Variants in LRMDA observed in about 807,000 individuals in gnomAD.
LRMDA encodes leucine-rich melanocyte differentiation-associated protein.
A neutral mutation model predicts 29.8 loss-of-function variants in LRMDA; 18 were observed. That is an observed-to-expected ratio of 0.60 (90% CI 0.42 to 0.90). The LOEUF is 0.90. Ranked by LOEUF, LRMDA falls within the 40% of genes least tolerant of loss-of-function variation. LRMDA has a pLI of 0.00. For missense variants in LRMDA, 273 were observed against 273.9 expected, an observed-to-expected ratio of 1.00 and a Z score of 0.02; for synonymous variants, 125 against 109.4, an observed-to-expected ratio of 1.14 and a Z score of -0.89.
intron 2 of LRMDA, among the ~76,000 whole-genome samples, chr10:75,560,038 A>G (rs977638436): frequency 4.6e-5 from 7 of 151,126 alleles, no homozygotes; most frequent in African/African-American, 1.7e-4. Flanking sequence ...TTCCATATGA[A>G]CTTTAAAGTA....
chr10:76,444,035 A>G (rs975129573), intron 6 of LRMDA, among the ~76,000 whole-genome samples: 3 of 152,142 alleles, frequency 2.0e-5, no homozygotes, highest in Admixed American at 1.3e-4. Context: ...TAACATGACT[A>G]CAGAATGGAT....
chr10:75,740,238 G>A (rs1295574099), intron 2 of LRMDA, among the ~76,000 whole-genome samples: 1 of 152,216 alleles, frequency 6.6e-6, no homozygotes, highest in African/African-American at 2.4e-5. Flanking sequence ...GAGGTGCGAT[G>A]TTCAGACAAA....
chr10:76,253,794 G>A (rs755735324), intron 5 of LRMDA, among the ~76,000 whole-genome samples: 1 of 151,802 alleles, frequency 6.6e-6, no homozygotes, highest in East Asian at 1.9e-4. Context: ...TTTTTTTGTT[G>A]TTGCTATTGT....
intron 6 of LRMDA, among the ~76,000 whole-genome samples, chr10:76,394,626 A>T (rs879867099): frequency 4.6e-5 from 7 of 152,132 alleles, no homozygotes; most frequent in African/African-American, 1.7e-4. Context: ...AGTTGATTCC[A>T]TGAAAATACT....
chr10:75,450,262 C>G (rs117707525), intron 2 of LRMDA: 1 of 152,098 alleles, frequency 6.6e-6, no homozygotes, highest in East Asian at 1.9e-4. Context: ...GTTCAGGTTT[C>G]GCGTAGAGTG....
At chr10:75,451,335 C>G (rs1021340491) in intron 2 of LRMDA, 1 of 152,178 alleles carries the variant, frequency 6.6e-6, no homozygotes, top group African/African-American at 2.4e-5. Flanking sequence ...TTTGCCCTTT[C>G]ATTTGCTGAA....
intron 2 of LRMDA, among the ~76,000 whole-genome samples, chr10:75,561,328 G>A (rs1434704255): frequency 2.7e-5 from 4 of 148,924 alleles, no homozygotes; most frequent in Non-Finnish European, 6.0e-5. Flanking sequence ...GCGTAGAGGT[G>A]TTTGTAGTAT....
chr10:75,993,926 A>T (rs974900944), intron 2 of LRMDA, among the ~76,000 whole-genome samples: 23 of 152,076 alleles, frequency 1.5e-4, no homozygotes, highest in Admixed American at 2.6e-4. Flanking sequence ...TTTTGATCAA[A>T]ATTAAATCCA....
At chr10:76,154,674 A>G (rs1224093109) in intron 5 of LRMDA, among the ~76,000 whole-genome samples, 2 of 152,170 alleles carry the variant, frequency 1.3e-5, no homozygotes, top group Non-Finnish European at 2.9e-5. Flanking sequence ...TCTGCATTAC[A>G]GTTCCTGGCA....
chr10:76,300,911 G>T, intron 5 of LRMDA, among the ~76,000 whole-genome samples: 1 of 152,208 alleles, frequency 6.6e-6, no homozygotes, highest in East Asian at 1.9e-4. Context: ...GAGTTAAACA[G>T]GAGGGCTTAT....
At chr10:75,469,226 A>G (rs1052712029) in intron 2 of LRMDA, among the ~76,000 whole-genome samples, 3 of 151,824 alleles carry the variant, frequency 2.0e-5, no homozygotes, top group Admixed American at 2.0e-4. Context: ...TTATGATGAC[A>G]TCACATGTTG....
At chr10:75,961,035 G>A (rs915491961) in intron 2 of LRMDA, among the ~76,000 whole-genome samples, 1 of 152,152 alleles carries the variant, frequency 6.6e-6, no homozygotes, top group Non-Finnish European at 1.5e-5. Context: ...TTGTGTAAGA[G>A]GATACCTGAT....
chr10:76,256,879 A>ACAATATTAGAGAC (rs1852604178), intron 5 of LRMDA, among the ~76,000 whole-genome samples: 2 of 152,304 alleles, frequency 1.3e-5, no homozygotes, highest in East Asian at 3.9e-4. Flanking sequence ...AGATCACATC[A>ACAATATTAGAGAC]CAGTCAGTGT....
intron 5 of LRMDA, among the ~76,000 whole-genome samples, chr10:76,165,047 A>G (rs113168948): frequency 7.5e-4 from 114 of 152,290 alleles, no homozygotes; most frequent in African/African-American, 2.7e-3. Flanking sequence ...ATCTTGTTTC[A>G]CTGCAAACTC....
intron 2 of LRMDA, among the ~76,000 whole-genome samples, chr10:75,776,041 C>T (rs1282651240): frequency 6.6e-6 from 1 of 152,186 alleles, no homozygotes; most frequent in African/African-American, 2.4e-5. Context: ...TAATATCTGC[C>T]TCTTTCCCTT....
chr10:76,249,013 C>T (rs1484849674), intron 5 of LRMDA, among the ~76,000 whole-genome samples: 1 of 152,160 alleles, frequency 6.6e-6, no homozygotes, highest in African/African-American at 2.4e-5. Flanking sequence ...GAACTCTGTA[C>T]ACAAAGATCA....
rs184386091 is a variant in LRMDA at position 75,865,952 on chromosome 10, G to A, written c.132-170056G>A. ...ATAATTATAGTTATGCCTCTTGGGT[G>A]TTTTTGGACTTTTAAATTTACGTCT... On this transcript the variant is annotated intron_variant, in intron 2 of 6. Coordinates refer to ENST00000611255, the MANE Select transcript of LRMDA (RefSeq NM_001305581.2). Among the ~76,000 whole-genome samples the A allele has an allele frequency of 5.3e-5, 8 of 152,292 alleles. No individual in the cohort carries two copies. The East Asian group carries it at 1.2e-3, about 22-fold the overall frequency.
intron 2 of LRMDA, among the ~76,000 whole-genome samples, chr10:75,979,887 A>G (rs1276734167): frequency 1.3e-5 from 2 of 152,240 alleles, no homozygotes; most frequent in African/African-American, 4.8e-5. Flanking sequence ...AATGGACATT[A>G]ATAGACTAAT....
At chr10:76,259,106 C>G (rs1839902852) in intron 5 of LRMDA, among the ~76,000 whole-genome samples, 1 of 152,024 alleles carries the variant, frequency 6.6e-6, no homozygotes, top group Non-Finnish European at 1.5e-5. Flanking sequence ...TCCTTTTTTT[C>G]TCTATCCTCA....
Sources: allele counts gnomAD v4.1 joint callset (sites outside exome capture counted in the v4.1 genomes callset), GRCh38; gene constraint gnomAD v4.1.1; transcripts MANE v1.5; gene names NCBI Gene and HGNC (gene_info 2026-07-23, HGNC 2026-07-21).